The following RBPJ variants were observed in gnomAD, a reference collection of about 807,000 sequenced individuals.
RBPJ encodes recombination signal binding protein for immunoglobulin kappa J region, also known as recombining binding protein suppressor of hairless.
RBPJ carries 9 observed loss-of-function variants against 67.8 expected under a neutral mutation model. That is an observed-to-expected ratio of 0.13 (90% CI 0.08 to 0.23). The LOEUF (loss-of-function observed/expected upper bound fraction) is 0.23, where lower values mean the gene tolerates loss of function less well. RBPJ is among the 10% of genes least tolerant of loss of function. RBPJ has a pLI of 1.00. For synonymous variants in RBPJ, 198 were observed against 203.3 expected (o/e 0.97, Z 0.22); for missense variants, 305 against 595.6 (o/e 0.51, Z 5.08).
intron 1 of RBPJ, among the ~76,000 whole-genome samples, chr4:26,218,880 G>A (rs1323887453): frequency 1.3e-5 from 2 of 152,120 alleles, no homozygotes; most frequent in South Asian, 2.1e-4. Context: ...CAGCACTGAG[G>A]AGAAATTGAT....
intron 1 of RBPJ, among the ~76,000 whole-genome samples, chr4:26,301,362 G>A (rs1364081189): frequency 1.3e-5 from 2 of 152,186 alleles, no homozygotes; most frequent in Admixed American, 1.3e-4. Flanking sequence ...GGAGGCTGAG[G>A]TGGGCGGATC....
At chr4:26,365,275 A>T (rs1172236353) in intron 1 of RBPJ, among the ~76,000 whole-genome samples, 1 of 152,056 alleles carries the variant, frequency 6.6e-6, no homozygotes, top group East Asian at 1.9e-4. Flanking sequence ...TCCTAGAGTA[A>T]AATAAGCCAT....
chr4:26,282,892 A>G (rs28431262), intron 1 of RBPJ, among the ~76,000 whole-genome samples: 5,543 of 150,624 alleles, frequency 0.037, 365 homozygotes, highest in African/African-American at 0.13. Context: ...AGTCCAGGAA[A>G]ATACTGTCCC....
chr4:26,274,570 C>T (rs1721016659), intron 1 of RBPJ, among the ~76,000 whole-genome samples: 1 of 152,150 alleles, frequency 6.6e-6, no homozygotes, highest in Non-Finnish European at 1.5e-5. Flanking sequence ...TTTGAGGTGG[C>T]AGTGAGCTGT....
intron 1 of RBPJ, among the ~76,000 whole-genome samples, chr4:26,367,102 C>T (rs1040638875): frequency 2.0e-5 from 3 of 151,364 alleles, no homozygotes; most frequent in Admixed American, 6.6e-5. Flanking sequence ...TCAGCCTGGG[C>T]GACAGTTGTG....
At chr4:26,289,921 G>A (rs1721610959) in intron 1 of RBPJ, among the ~76,000 whole-genome samples, 1 of 150,496 alleles carries the variant, frequency 6.6e-6, no homozygotes, top group Non-Finnish European at 1.5e-5. Context: ...AATTTGTCTT[G>A]GCATCTTGTA....
intron 2 of RBPJ, among the ~76,000 whole-genome samples, chr4:26,405,549 A>AT (rs1172260710): frequency 1.3e-5 from 2 of 152,084 alleles, no homozygotes; most frequent in Non-Finnish European, 2.9e-5. Context: ...TTAACATTGT[A>AT]TTTTTTTCAA....
intron 1 of RBPJ, among the ~76,000 whole-genome samples, chr4:26,187,909 C>T (rs1312152452): frequency 2.0e-5 from 3 of 152,136 alleles, no homozygotes; most frequent in Non-Finnish European, 4.4e-5. Flanking sequence ...CTCCTGTAAT[C>T]CCAGCTACTC....
At chr4:26,322,812 T>C (rs1449404776) in intron 1 of RBPJ, 1 of 150,436 alleles carries the variant, frequency 6.6e-6, no homozygotes, top group Non-Finnish European at 1.5e-5. Flanking sequence ...GGGTGGGGGG[T>C]GTGGTGTGAT....
intron 1 of RBPJ, among the ~76,000 whole-genome samples, chr4:26,241,866 T>A (rs929809948): frequency 3.9e-5 from 6 of 152,008 alleles, no homozygotes; most frequent in African/African-American, 1.4e-4. Context: ...GGGGAATTTT[T>A]AAAAAAATTG....
chr4:26,124,962 A>G, the RBPJ span, among the ~76,000 whole-genome samples: 25 of 152,252 alleles, frequency 1.6e-4, no homozygotes, highest in African/African-American at 5.8e-4. Context: ...AGGCCCGGAC[A>G]CTTTCTATCC....
upstream of RBPJ, chr4:26,319,829 T>C: frequency 6.4e-7 from 1 of 1,572,690 alleles, no homozygotes; most frequent in Non-Finnish European, 8.7e-7. Context: ...GAGGCAGTGC[T>C]GGATCTGGGA....
Position 26,431,184 on chromosome 4 carries a change from T to TAAAAAAAAA in RBPJ, c.*196_*204dup, listed in dbSNP as rs897964346. ...CTGATTTGAAATGCAGAAGCCACAG[T>TAAAAAAAAA]AAAAAAAAAAAAAAAAAAAAAAAAA... On this transcript the variant is annotated 3_prime_UTR_variant, in exon 11 of 11. Transcript: ENST00000355476. 6.2e-4 allele frequency: 25 copies of TAAAAAAAAA among 40,642 alleles called. No homozygotes were observed. The highest frequency in any genetic ancestry group is 1.0e-3 in the African/African-American group (9 of 8,900). The allele number at this position is 40,642 out of a possible 1,614,324, so 2.5% of individuals were successfully genotyped here.
chr4:26,315,629 G>A (rs2109310713), upstream of RBPJ, among the ~76,000 whole-genome samples: 1 of 152,180 alleles, frequency 6.6e-6, no homozygotes, highest in South Asian at 2.1e-4. Flanking sequence ...AGAAAACAGG[G>A]TTCGAGAGCA....
chr4:26,397,204 G>T (rs186150101), intron 2 of RBPJ, among the ~76,000 whole-genome samples: 1 of 152,268 alleles, frequency 6.6e-6, no homozygotes, highest in East Asian at 1.9e-4. Flanking sequence ...TTTGTAAACC[G>T]TAAGTATTGT....
chr4:26,248,585 AG>A (rs1720001295), intron 1 of RBPJ, among the ~76,000 whole-genome samples: 1 of 152,212 alleles, frequency 6.6e-6, no homozygotes, highest in Non-Finnish European at 1.5e-5. Flanking sequence ...AATACAAAAA[AG>A]GGAAAATAAA....
At chr4:26,382,833 G>A (rs1251268846) in intron 1 of RBPJ, among the ~76,000 whole-genome samples, 4 of 152,120 alleles carry the variant, frequency 2.6e-5, no homozygotes, top group Non-Finnish European at 5.9e-5. Flanking sequence ...GAGCTCTTGC[G>A]CCCAGCTAAA....
intron 1 of RBPJ, chr4:26,272,619 C>T: frequency 2.3e-6 from 1 of 433,988 alleles, no homozygotes; most frequent in Non-Finnish European, 4.6e-6. Context: ...AACAAAACTA[C>T]AGATTTGGTT....
the RBPJ span, among the ~76,000 whole-genome samples, chr4:26,133,693 T>C: frequency 2.0e-5 from 3 of 152,140 alleles, no homozygotes; most frequent in African/African-American, 7.2e-5. Context: ...AGAATCTAAC[T>C]AGTGCCTGAT....
Sources: allele counts gnomAD v4.1 joint callset (sites outside exome capture counted in the v4.1 genomes callset), GRCh38; gene constraint gnomAD v4.1.1; transcripts MANE v1.5; gene names NCBI Gene and HGNC (gene_info 2026-07-23, HGNC 2026-07-21).